The following SRBD1 variants were observed in gnomAD, a reference collection of about 807,000 sequenced individuals.
SRBD1 encodes S1 RNA binding domain 1.
In SRBD1, 88 loss-of-function variants were observed where a neutral mutation model predicts 115.3. The ratio of observed to expected loss-of-function variants is 0.76; its 90% CI spans 0.64 to 0.91. The LOEUF is 0.91. SRBD1 is among the 40% of genes least tolerant of loss of function. SRBD1 has a pLI of 0.00. For synonymous variants in SRBD1, 509 were observed against 407.7 expected, an observed-to-expected ratio of 1.25 and a Z score of -2.99; for missense variants, 1,385 against 1,177.4, an observed-to-expected ratio of 1.18 and a Z score of -2.58.
intron 14 of SRBD1, among the ~76,000 whole-genome samples, chr2:45,511,631 A>C (rs192608833): frequency 1.7e-4 from 26 of 152,352 alleles, no homozygotes; most frequent in Middle Eastern, 6.8e-3. Context: ...TCAAAGTTTC[A>C]ATTTTAACTG....
rs543849858 is a variant in SRBD1, at chr2:45,532,028, A to G, written c.1874+14704T>C. Among the ~76,000 whole-genome samples, 15 of 151,268 alleles carry G rather than the reference A, an allele frequency of 9.9e-5. No homozygotes were observed. The East Asian group carries it at 2.7e-3, about 27-fold the overall frequency. ...GTGCCTCCTCCTCTTAATCATAAGC[A>G]CTGTATTAAAGACTCTCCAACCCAA... On this transcript the variant is annotated intron_variant, in intron 14 of 20. Coordinates refer to ENST00000263736, the MANE Select transcript of SRBD1 (RefSeq NM_018079.5).
intron 17 of SRBD1, 135 bp from the exon 18 acceptor site, chr2:45,418,676 T>TAAA: frequency 5.1e-6 from 2 of 393,216 alleles, no homozygotes; most frequent in South Asian, 1.7e-4. Flanking sequence ...AAAGGGAGTT[T>TAAA]AAAAAAAAAA....
chr2:45,492,774 G>A (rs1209917334), intron 14 of SRBD1, among the ~76,000 whole-genome samples: 1 of 152,068 alleles, frequency 6.6e-6, no homozygotes, highest in African/African-American at 2.4e-5. Context: ...TGGGCTAACA[G>A]TTTTCACCTT....
At chr2:45,490,360 T>G (rs920502533) in intron 14 of SRBD1, among the ~76,000 whole-genome samples, 4 of 152,146 alleles carry the variant, frequency 2.6e-5, no homozygotes, top group Non-Finnish European at 2.9e-5. Context: ...GAAAGCTGGT[T>G]CTAGCATTCA....
intron 16 of SRBD1, among the ~76,000 whole-genome samples, chr2:45,439,513 TA>T (rs538659743): frequency 3.5e-4 from 53 of 150,740 alleles, no homozygotes; most frequent in Non-Finnish European, 6.5e-4. Context: ...GTAACCACTT[TA>T]AAAAAAATGC....
intron 3 of SRBD1, among the ~76,000 whole-genome samples, chr2:45,600,241 G>C (rs948889699): frequency 3.9e-5 from 6 of 151,984 alleles, no homozygotes; most frequent in Non-Finnish European, 8.8e-5. Context: ...ATCTAAATAA[G>C]ATCAGTGGAT....
At chr2:45,444,997 C>T (rs550993812) in intron 16 of SRBD1, among the ~76,000 whole-genome samples, 1 of 152,252 alleles carries the variant, frequency 6.6e-6, no homozygotes, top group Admixed American at 6.5e-5. Context: ...AATTTGCTCT[C>T]CATTTTAGGA....
chr2:45,601,453 C>A (rs1651294709), intron 3 of SRBD1, among the ~76,000 whole-genome samples: 1 of 152,200 alleles, frequency 6.6e-6, no homozygotes, highest in African/African-American at 2.4e-5. Context: ...TATCTGTTCC[C>A]AAAATGTTGA....
At chr2:45,532,124 C>T (rs1445324580) in intron 14 of SRBD1, among the ~76,000 whole-genome samples, 1 of 151,628 alleles carries the variant, frequency 6.6e-6, no homozygotes, top group South Asian at 2.1e-4. Flanking sequence ...CTCATTTACT[C>T]TCTTCTCTGG....
chr2:45,391,705 G>C (rs1369831373), intron 20 of SRBD1, among the ~76,000 whole-genome samples: 1 of 152,168 alleles, frequency 6.6e-6, no homozygotes, highest in Non-Finnish European at 1.5e-5. Flanking sequence ...AGATGCATCT[G>C]TCTTTTTGCT....
intron 14 of SRBD1, among the ~76,000 whole-genome samples, chr2:45,512,953 G>C (rs190332695): frequency 1.3e-5 from 2 of 152,188 alleles, no homozygotes; most frequent in Non-Finnish European, 2.9e-5. Context: ...CTCATGCTGA[G>C]AAGGACCAAG....
chr2:45,512,360 C>G (rs1011183201), intron 14 of SRBD1, among the ~76,000 whole-genome samples: 8 of 152,158 alleles, frequency 5.3e-5, no homozygotes, highest in Admixed American at 5.2e-4. Context: ...CAATTCTGGA[C>G]TTAGAAACTT....
Position 45,389,540 on chromosome 2 carries a change from T to C in SRBD1, c.2758A>G (p.Thr920Ala). 6.2e-7 allele frequency: 1 copy of C among 1,614,048 alleles called. No homozygotes were observed. The highest frequency in any genetic ancestry group is 2.2e-5 in the East Asian group (1 of 44,868). ...TTCTCAACTTTGCCTGTAAGAACTG[T>C]CCCAATCTGCAGATCTTCCAGGCAT... ...IVCLEDLQIG[T>A]VLTGKVENAT... Residue 920 changes from threonine to alanine, a missense_variant, in exon 21 of 21, where the codon ACA becomes GCA. Coordinates refer to ENST00000263736, the MANE Select transcript of SRBD1 (RefSeq NM_018079.5).
intron 14 of SRBD1, among the ~76,000 whole-genome samples, chr2:45,500,227 C>G (rs1670585068): frequency 1.3e-5 from 1 of 78,046 alleles, no homozygotes; most frequent in Non-Finnish European, 3.1e-5. Flanking sequence ...TTAAATTTAT[C>G]CTGTGTGTGT....
intron 15 of SRBD1, 49 bp from the exon 16 acceptor site, chr2:45,477,124 T>C: frequency 6.9e-7 from 1 of 1,446,754 alleles, no homozygotes; most frequent in African/African-American, 1.4e-5. Context: ...TGAAAAGCAG[T>C]ACCTAATAAT....
chr2:45,466,127 T>C (rs1211632527), intron 16 of SRBD1, among the ~76,000 whole-genome samples: 1 of 152,162 alleles, frequency 6.6e-6, no homozygotes, highest in Non-Finnish European at 1.5e-5. Flanking sequence ...ATAAATACTG[T>C]GATTTCAGAC....
At chr2:45,599,163 G>A (rs1036749667) in intron 4 of SRBD1, among the ~76,000 whole-genome samples, 21 of 152,096 alleles carry the variant, frequency 1.4e-4, no homozygotes, top group African/African-American at 4.8e-4. Context: ...TGAACCTGTG[G>A]GGGCCCAACC....
chr2:45,462,232 A>G (rs1370504101), intron 16 of SRBD1, among the ~76,000 whole-genome samples: 1 of 152,204 alleles, frequency 6.6e-6, no homozygotes, highest in Non-Finnish European at 1.5e-5. Flanking sequence ...CATTTCCTTC[A>G]TCACCAAAAT....
chr2:45,485,395 T>C (rs926055354), intron 15 of SRBD1, among the ~76,000 whole-genome samples: 6 of 152,220 alleles, frequency 3.9e-5, no homozygotes, highest in Non-Finnish European at 7.3e-5. Flanking sequence ...CCATTCCTTT[T>C]ATCTTAGTAG....
Sources: gnomAD v4.1 joint callset for allele counts (sites outside exome capture counted in the v4.1 genomes callset) on GRCh38, gnomAD v4.1.1 for gene constraint, MANE v1.5 for transcripts, NCBI Gene and HGNC (gene_info 2026-07-23, HGNC 2026-07-21) for gene names.